Variants in PARD3B observed in about 807,000 individuals in gnomAD.
PARD3B encodes the protein par-3 family cell polarity regulator beta.
A neutral mutation model predicts 130.2 loss-of-function variants in PARD3B; 103 were observed. That is an observed-to-expected ratio of 0.79 (90% CI 0.67 to 0.93). The LOEUF (loss-of-function observed/expected upper bound fraction) is 0.93, where lower values mean the gene tolerates loss of function less well. Ranked by LOEUF, PARD3B falls within the 40% of genes least tolerant of loss-of-function variation. The pLI, the probability that PARD3B is intolerant of heterozygous loss-of-function variation, is 0.00. For missense variants in PARD3B, 1,609 were observed against 1,499.2 expected (o/e 1.07, Z -1.21); for synonymous variants, 583 against 553.2 (o/e 1.05, Z -0.76).
At chr2:205,368,899 C>T (rs772181559) in intron 18 of PARD3B, among the ~76,000 whole-genome samples, 7 of 151,794 alleles carry the variant, frequency 4.6e-5, no homozygotes, top group Non-Finnish European at 7.4e-5. Context: ...GAAGAGCTCT[C>T]GTAACTCTTC....
intron 3 of PARD3B, among the ~76,000 whole-genome samples, chr2:204,986,003 A>C (rs1693106778): frequency 7.0e-6 from 1 of 142,302 alleles, no homozygotes; most frequent in Admixed American, 7.6e-5. Flanking sequence ...CAGGAGGCTG[A>C]GGCAGGAGAA....
chr2:205,256,092 G>C (rs2040070093), intron 16 of PARD3B, among the ~76,000 whole-genome samples: 2 of 151,918 alleles, frequency 1.3e-5, no homozygotes, highest in African/African-American at 2.4e-5. Flanking sequence ...AGATTCCAAG[G>C]GTTTTAGGAG....
At chr2:205,524,264 C>T (rs554083946) in intron 21 of PARD3B, among the ~76,000 whole-genome samples, 23 of 152,208 alleles carry the variant, frequency 1.5e-4, no homozygotes, top group African/African-American at 2.2e-4. Flanking sequence ...CTTGAAAGCA[C>T]CTTAAATGAG....
intron 22 of PARD3B, among the ~76,000 whole-genome samples, chr2:205,560,830 A>T (rs2053105509): frequency 6.6e-6 from 1 of 152,228 alleles, no homozygotes; most frequent in South Asian, 2.1e-4. Flanking sequence ...GCAACTTTAG[A>T]AGGAGCAAGC....
chr2:205,433,258 C>T (rs540758068), intron 19 of PARD3B, among the ~76,000 whole-genome samples: 1 of 152,126 alleles, frequency 6.6e-6, no homozygotes, highest in South Asian at 2.1e-4. Context: ...ATAGGCTGGG[C>T]ACGGTGGCTC....
chr2:205,218,510 A>G lies in PARD3B; in HGVS notation c.2140+25190A>G, dbSNP rs900764355. ...ACACTTTTGGTTTTTTTACAACTCA[A>G]AAGAATTTCTAAGTATGCAGAGAGA... On this transcript the variant is annotated intron_variant, in intron 15 of 22. Transcript: ENST00000406610. 1.4e-4 allele frequency among the ~76,000 whole-genome samples: 22 copies of G among 152,218 alleles called. 1 individual carries two copies. The highest frequency in any genetic ancestry group is 6.5e-4 in the Admixed American group (10 of 15,284).
intron 2 of PARD3B, among the ~76,000 whole-genome samples, chr2:204,812,283 A>G (rs1435631328): frequency 6.6e-6 from 1 of 152,174 alleles, no homozygotes; most frequent in Non-Finnish European, 1.5e-5. Context: ...GTGAATCCAC[A>G]TGGGTCTGCA....
At position 205,366,666 on chromosome 2, in the gene PARD3B, C is replaced by A. The variant is rs575731170; in HGVS notation, c.2631-34347C>A. On this transcript the variant is annotated intron_variant, in intron 18 of 22. Coordinates refer to ENST00000406610, the MANE Select transcript of PARD3B (RefSeq NM_001302769.2). The surrounding 1 kb of genome is among the most constrained non-coding windows in gnomAD (Gnocchi z 5.0). ...CTGTCTCCTCTCAAGCCTAAATTCA[C>A]ACTTTTTTTTTTCTTTAACTGTGAC... Among the ~76,000 whole-genome samples, 1 of 151,626 alleles carries A rather than the reference C, an allele frequency of 6.6e-6. No homozygotes were observed. The highest frequency in any genetic ancestry group is 1.5e-5 in the Non-Finnish European group (1 of 68,006).
At chr2:205,359,833 C>T (rs1336051473) in intron 18 of PARD3B, among the ~76,000 whole-genome samples, 3 of 152,096 alleles carry the variant, frequency 2.0e-5, no homozygotes, top group Non-Finnish European at 4.4e-5. Flanking sequence ...CATCCTCATA[C>T]GTGCCCTGTA....
chr2:204,711,163 C>T (rs2038413947), intron 2 of PARD3B, among the ~76,000 whole-genome samples: 1 of 152,148 alleles, frequency 6.6e-6, no homozygotes. Flanking sequence ...TTTGTATGTT[C>T]TGATAACTGG....
In PARD3B at chr2:205,091,431, G is replaced by A. The variant is rs1702102204; in HGVS notation, c.505-12995G>A. On this transcript the variant is annotated intron_variant, in intron 4 of 22. Coordinates refer to ENST00000406610, the MANE Select transcript of PARD3B (RefSeq NM_001302769.2). The surrounding 1 kb of genome is among the most constrained non-coding windows in gnomAD (Gnocchi z 4.2). ...TCTCACTTTTCTGCACCTTCTCGGG[G>A]AAATAGATGAGGAGGGTGGCCATTA... 6.6e-6 allele frequency among the ~76,000 whole-genome samples: 1 copy of A among 152,130 alleles called. No individual in the cohort carries two copies. The highest frequency in any genetic ancestry group is 1.5e-5 in the Non-Finnish European group (1 of 68,034).
At chr2:205,093,497 A>G (rs991130143) in intron 4 of PARD3B, among the ~76,000 whole-genome samples, 1 of 152,128 alleles carries the variant, frequency 6.6e-6, no homozygotes, top group Non-Finnish European at 1.5e-5. Flanking sequence ...TGTTCAGGGA[A>G]AAAGTGGCTC....
chr2:204,636,366 T>C (rs2034874971), intron 1 of PARD3B, among the ~76,000 whole-genome samples: 1 of 152,000 alleles, frequency 6.6e-6, no homozygotes, highest in African/African-American at 2.4e-5. Context: ...TAGATACAAG[T>C]GTATTGTGTG....
At chr2:204,904,012 A>G (rs966742278) in intron 2 of PARD3B, among the ~76,000 whole-genome samples, 1 of 152,202 alleles carries the variant, frequency 6.6e-6, no homozygotes, top group Non-Finnish European at 1.5e-5. Context: ...TTATTGATCT[A>G]TACCACACAT....
chr2:205,472,670 A>G (rs1190702143), intron 20 of PARD3B, among the ~76,000 whole-genome samples: 1 of 152,224 alleles, frequency 6.6e-6, no homozygotes, highest in Non-Finnish European at 1.5e-5. Flanking sequence ...CAGAAGCCAA[A>G]TAGGGTAAAA....
chr2:204,759,947 T>C (rs1327172637), intron 2 of PARD3B, among the ~76,000 whole-genome samples: 1 of 152,122 alleles, frequency 6.6e-6, no homozygotes, highest in African/African-American at 2.4e-5. Context: ...AGATTACCTA[T>C]GAATGTTAGA....
intron 19 of PARD3B, among the ~76,000 whole-genome samples, chr2:205,409,917 C>T (rs965860177): frequency 3.8e-4 from 58 of 152,018 alleles, no homozygotes; most frequent in African/African-American, 1.2e-3. Context: ...TTTTAAATTT[C>T]GCTGATCCAG....
At chr2:204,927,056 A>C (rs2125766941) in intron 2 of PARD3B, among the ~76,000 whole-genome samples, 1 of 152,252 alleles carries the variant, frequency 6.6e-6, no homozygotes, top group African/African-American at 2.4e-5. Context: ...GGGATTAGAA[A>C]AAGAGTTTGA....
Position 205,446,344 on chromosome 2 carries a change from A to T in PARD3B, c.3044+5672A>T, listed in dbSNP as rs186297262. Among the ~76,000 whole-genome samples the T allele has an allele frequency of 1.3e-5, 2 of 152,290 alleles. No homozygotes were observed. The highest frequency in any genetic ancestry group is 3.9e-4 in the East Asian group (2 of 5,180). The stretch of plus-strand genomic sequence containing the variant: ...CACTGAGGGTTTTAACGTGAGATAT[A>T]ATCCTGGAATTCAATAGGCTGTTTA... On this transcript the variant is annotated intron_variant, in intron 20 of 22. Transcript: ENST00000406610. This position sits in a 1 kb window ranked among gnomAD's most constrained non-coding sequence, Gnocchi z 4.4.
Sources: allele counts gnomAD v4.1 joint callset (sites outside exome capture counted in the v4.1 genomes callset), GRCh38; gene constraint gnomAD v4.1.1; non-coding constraint Gnocchi (gnomAD v3.1); transcripts MANE v1.5; gene names NCBI Gene and HGNC (gene_info 2026-07-23, HGNC 2026-07-21).